Variants in DLGAP1 observed in about 807,000 individuals in gnomAD.
DLGAP1 encodes DLG associated protein 1, also known as disks large-associated protein 1.
In DLGAP1, 11 loss-of-function variants were observed where a neutral mutation model predicts 90.8. That is an observed-to-expected ratio of 0.12 (90% CI 0.08 to 0.20). The LOEUF (loss-of-function observed/expected upper bound fraction) is 0.20, where lower values mean the gene tolerates loss of function less well. Among genes scored for constraint, DLGAP1 ranks in the 10% least tolerant of loss-of-function variants. DLGAP1 has a pLI of 1.00. For synonymous variants in DLGAP1, 558 were observed against 540.7 expected, an observed-to-expected ratio of 1.03 and a Z score of -0.44; for missense variants, 1,050 against 1,333.8, an observed-to-expected ratio of 0.79 and a Z score of 3.31.
chr18:4,332,564 G>A (rs1303328937), intron 1 of DLGAP1, among the ~76,000 whole-genome samples: 1 of 151,870 alleles, frequency 6.6e-6, no homozygotes, highest in East Asian at 1.9e-4. Context: ...CTCATCCAAA[G>A]ATGCCAAAAC....
At chr18:3,628,228 C>T (rs1388199124) in intron 7 of DLGAP1, among the ~76,000 whole-genome samples, 2 of 140,140 alleles carry the variant, frequency 1.4e-5, no homozygotes, top group Non-Finnish European at 3.0e-5. Flanking sequence ...CTCGCTCTGT[C>T]ACCTAGGCTG....
chr18:3,552,217 C>A (rs1312494496), intron 9 of DLGAP1, among the ~76,000 whole-genome samples: 1 of 151,804 alleles, frequency 6.6e-6, no homozygotes. Flanking sequence ...CTTTACTCAC[C>A]TTTCCTCTCT....
chr18:4,387,694 A>C (rs759370880), intron 1 of DLGAP1, among the ~76,000 whole-genome samples: 4 of 152,162 alleles, frequency 2.6e-5, no homozygotes, highest in Non-Finnish European at 5.9e-5. Context: ...CAGGTTTGGG[A>C]GGCTGAGGCG....
chr18:3,592,843 CAAAAAA>C (rs56871583), intron 7 of DLGAP1, among the ~76,000 whole-genome samples: 15 of 42,592 alleles, frequency 3.5e-4, no homozygotes, highest in South Asian at 1.6e-3. Flanking sequence ...GACCCTGCCT[CAAAAAA>C]AAAAAAAAAA....
At chr18:3,903,190 T>TG (rs34094629) in intron 3 of DLGAP1, among the ~76,000 whole-genome samples, 51,326 of 151,906 alleles carry the variant, frequency 0.34, 10,275 homozygotes, top group Admixed American at 0.46. Context: ...GGGGATGTAC[T>TG]GAGGGAAGGA....
At chr18:3,551,722 C>CCCTCCCTCCCTTCCTA in intron 9 of DLGAP1, among the ~76,000 whole-genome samples, 1 of 12,538 alleles carries the variant, frequency 8.0e-5, no homozygotes, top group African/African-American at 3.9e-4. Context: ...CTCCCTCCCT[C>CCCTCCCTCCCTTCCTA]CCTTCCTTCC....
At chr18:3,905,392 A>AAAAAAAAAAAAAAT (rs2071882297) in intron 3 of DLGAP1, among the ~76,000 whole-genome samples, 1 of 143,742 alleles carries the variant, frequency 7.0e-6, no homozygotes. Flanking sequence ...AAAAAAAAAA[A>AAAAAAAAAAAAAAT]GAAAAGAAAT....
chr18:4,221,782 T>C (rs2078082936), intron 1 of DLGAP1, among the ~76,000 whole-genome samples: 4 of 152,166 alleles, frequency 2.6e-5, no homozygotes, highest in African/African-American at 9.7e-5. Context: ...TCCCTCCCCA[T>C]TACTACTCAA....
At chr18:4,178,318 C>T (rs2077150821) in intron 1 of DLGAP1, among the ~76,000 whole-genome samples, 1 of 151,800 alleles carries the variant, frequency 6.6e-6, no homozygotes, top group South Asian at 2.1e-4. Context: ...CTAAGGGATC[C>T]TCCTGCCTCG....
intron 1 of DLGAP1, among the ~76,000 whole-genome samples, chr18:4,233,172 C>T (rs541264365): frequency 2.0e-5 from 3 of 152,228 alleles, no homozygotes; most frequent in African/African-American, 4.8e-5. Context: ...AATGCTGGTA[C>T]GGAGTTATGA....
intron 1 of DLGAP1, among the ~76,000 whole-genome samples, chr18:4,443,954 C>G (rs1033874675): frequency 6.6e-6 from 1 of 152,190 alleles, no homozygotes; most frequent in African/African-American, 2.4e-5. Flanking sequence ...TGGAATGTTC[C>G]CACCTAATCA....
intron 9 of DLGAP1, among the ~76,000 whole-genome samples, chr18:3,551,614 T>TTTCGG (rs2144812391): frequency 7.8e-6 from 1 of 128,204 alleles, no homozygotes; most frequent in East Asian, 2.4e-4. Flanking sequence ...TCTTTCTTTC[T>TTTCGG]TTCTTTTTCT....
At chr18:3,917,590 A>G (rs2148905420) in intron 3 of DLGAP1, among the ~76,000 whole-genome samples, 1 of 152,352 alleles carries the variant, frequency 6.6e-6, no homozygotes, top group East Asian at 1.9e-4. Context: ...TTGTGAAGTC[A>G]CTAGGCATGT....
At chr18:4,271,214 T>C (rs1598775745) in intron 1 of DLGAP1, among the ~76,000 whole-genome samples, 1 of 152,308 alleles carries the variant, frequency 6.6e-6, no homozygotes, top group East Asian at 1.9e-4. Context: ...CCTGATTTAA[T>C]TGGTCTGTGG....
chr18:3,736,774 G>A (rs1353297169), intron 6 of DLGAP1, among the ~76,000 whole-genome samples: 2 of 150,578 alleles, frequency 1.3e-5, no homozygotes, highest in African/African-American at 2.4e-5. Context: ...TAAAATCAGA[G>A]CAGAACTGAA....
chr18:3,651,269 G>C (rs2059292362), intron 7 of DLGAP1, among the ~76,000 whole-genome samples: 1 of 151,508 alleles, frequency 6.6e-6, no homozygotes, highest in Non-Finnish European at 1.5e-5. Context: ...TGAGGCAGGA[G>C]AATCGCTTGA....
intron 7 of DLGAP1, among the ~76,000 whole-genome samples, chr18:3,620,194 C>T (rs751054266): frequency 6.6e-6 from 1 of 152,054 alleles, no homozygotes; most frequent in Non-Finnish European, 1.5e-5. Flanking sequence ...GCAGGAGGGT[C>T]AGAGACAAAG....
intron 1 of DLGAP1, among the ~76,000 whole-genome samples, chr18:4,406,995 G>GC (rs1165689181): frequency 6.6e-6 from 1 of 152,148 alleles, no homozygotes; most frequent in Non-Finnish European, 1.5e-5. Flanking sequence ...ATCATTGGGA[G>GC]CTTTCCTTTT....
intron 4 of DLGAP1, among the ~76,000 whole-genome samples, chr18:3,840,087 T>C (rs1015194905): frequency 3.9e-5 from 6 of 152,210 alleles, no homozygotes; most frequent in Non-Finnish European, 7.3e-5. Context: ...TAGGCACACA[T>C]ATAATATTTA....
Sources: allele counts gnomAD v4.1 joint callset (sites outside exome capture counted in the v4.1 genomes callset), GRCh38; gene constraint gnomAD v4.1.1; transcripts MANE v1.5; gene names NCBI Gene and HGNC (gene_info 2026-07-23, HGNC 2026-07-21).